SHOC1: variants seen among roughly 807,000 people sequenced by gnomAD.
SHOC1 encodes shortage in chiasmata 1, also known as protein shortage in chiasmata 1 ortholog.
Under a neutral mutation model 179.2 loss-of-function variants are expected in SHOC1, and 136 were observed. That is an observed-to-expected ratio of 0.76 (90% confidence interval 0.66 to 0.87). The LOEUF is 0.87. Ranked by LOEUF, SHOC1 falls within the 40% of genes least tolerant of loss-of-function variation. The pLI is 0.00. For missense variants in SHOC1, 1,538 were observed against 1,700.8 expected, an observed-to-expected ratio of 0.90 and a Z score of 1.68; for synonymous variants, 489 against 586.6, an observed-to-expected ratio of 0.83 and a Z score of 2.41.
intron 27 of SHOC1, among the ~76,000 whole-genome samples, chr9:111,689,431 T>A (rs1268735379): frequency 6.6e-6 from 1 of 151,356 alleles, no homozygotes; most frequent in Non-Finnish European, 1.5e-5. Context: ...TAGTAAGTAA[T>A]TATATCATAG....
intron 3 of SHOC1, among the ~76,000 whole-genome samples, chr9:111,784,677 A>C (rs529106375): frequency 4.7e-4 from 71 of 152,314 alleles, no homozygotes; most frequent in Middle Eastern, 6.8e-3. Context: ...AAAATATCAT[A>C]GACTCGGTGG....
intron 27 of SHOC1, among the ~76,000 whole-genome samples, chr9:111,687,615 C>A (rs533057250): frequency 6.6e-6 from 1 of 152,308 alleles, no homozygotes; most frequent in Non-Finnish European, 1.5e-5. Context: ...AATAAGTCCT[C>A]ATTAATTAGG....
chr9:111,759,220 T>C, intron 5 of SHOC1: 1 of 1,613,878 alleles, frequency 6.2e-7, no homozygotes, highest in Non-Finnish European at 8.5e-7. Context: ...TGACTTCTGC[T>C]GACCTTGGTC....
At chr9:111,735,425 A>C (rs1195221663) in intron 12 of SHOC1, among the ~76,000 whole-genome samples, 2 of 152,074 alleles carry the variant, frequency 1.3e-5, no homozygotes, top group African/African-American at 2.4e-5. Context: ...TTGAGTGAGA[A>C]TATGTGATGT....
intron 15 of SHOC1, among the ~76,000 whole-genome samples, chr9:111,720,130 G>A (rs1832969629): frequency 6.6e-6 from 1 of 152,086 alleles, no homozygotes; most frequent in Non-Finnish European, 1.5e-5. Flanking sequence ...TATTTTTTCC[G>A]CTTCTTGTAT....
chr9:111,702,341 G>C, intron 22 of SHOC1, 115 bp from the exon 23 acceptor site: 1 of 671,188 alleles, frequency 1.5e-6, no homozygotes, highest in East Asian at 3.3e-5. Context: ...AGAGGCATGG[G>C]TATGAGCCCC....
At chr9:111,758,990 G>T in intron 5 of SHOC1, 142 bp from the exon 6 acceptor site, 1 of 878,004 alleles carries the variant, frequency 1.1e-6, no homozygotes, top group Non-Finnish European at 1.7e-6. Flanking sequence ...TCATTGTACT[G>T]TGCATATAGA....
At chr9:111,729,108 GT>G (rs1251558967) in intron 12 of SHOC1, among the ~76,000 whole-genome samples, 1 of 145,146 alleles carries the variant, frequency 6.9e-6, no homozygotes, top group Non-Finnish European at 1.5e-5. Context: ...AAGGTGGGGG[GT>G]TCTTTTTTCT....
At chr9:111,781,724 G>GTAAATAAATAAATAAATAAA (rs58575917) in intron 3 of SHOC1, among the ~76,000 whole-genome samples, 8,600 of 134,926 alleles carry the variant, frequency 0.064, 366 homozygotes, top group African/African-American at 0.1. Context: ...GTGAGACTCT[G>GTAAATAAATAAATAAATAAA]TAAATAAATA....
intron 22 of SHOC1, 74 bp from the exon 23 acceptor site, chr9:111,702,300 C>T: frequency 9.9e-7 from 1 of 1,008,050 alleles, no homozygotes; most frequent in Non-Finnish European, 1.5e-6. Flanking sequence ...ATCATTATTT[C>T]AAGAATCTAT....
intron 8 of SHOC1, among the ~76,000 whole-genome samples, chr9:111,752,438 A>G (rs1317508017): frequency 6.6e-6 from 1 of 152,240 alleles, no homozygotes; most frequent in Non-Finnish European, 1.5e-5. Flanking sequence ...CCAAGTTAAC[A>G]GCCTATTAAA....
intron 24 of SHOC1, among the ~76,000 whole-genome samples, chr9:111,695,473 T>A (rs1169143880): frequency 6.6e-6 from 1 of 152,162 alleles, no homozygotes; most frequent in Non-Finnish European, 1.5e-5. Context: ...ACACTTTCAT[T>A]TAAATATAAA....
chr9:111,715,255 C>T (rs1832731674), intron 16 of SHOC1, among the ~76,000 whole-genome samples: 1 of 152,078 alleles, frequency 6.6e-6, no homozygotes, highest in Admixed American at 6.5e-5. Flanking sequence ...GAGTTACCAC[C>T]AGAGCACCTG....
At chr9:111,759,463 T>G (rs1741968586) in intron 5 of SHOC1, 1 of 1,266,684 alleles carries the variant, frequency 7.9e-7, no homozygotes, top group Admixed American at 3.7e-5. Flanking sequence ...AGTTAATTTC[T>G]GGAATAAATT....
At chr9:111,760,860 G>C (rs1427610660) in intron 5 of SHOC1, among the ~76,000 whole-genome samples, 1 of 151,706 alleles carries the variant, frequency 6.6e-6, no homozygotes, top group Non-Finnish European at 1.5e-5. Context: ...ACCATTTCAA[G>C]AGGTCTGTTT....
At position 111,727,956 on chromosome 9, in the gene SHOC1, G is replaced by T; in HGVS notation, c.1511C>A (p.Ser504Tyr). Reference protein sequence around the residue: ...AHLSLPQKSPSLAKEVPDLCF... With the variant: ...AHLSLPQKSPYLAKEVPDLCF... Reference sequence around the variant, plus strand: ...TAGATCTGGTACTTCTTTTGCCAGAGATGGACTCTTTTGTGGAAGTGATAA... The same window carrying T: ...TAGATCTGGTACTTCTTTTGCCAGATATGGACTCTTTTGTGGAAGTGATAA... Residue 504 changes from serine to tyrosine, a missense_variant, in exon 13 of 28, where the codon TCT (serine) becomes TAT (tyrosine). Ser to Tyr is a moderately radical substitution (Grantham distance 144). Transcript: ENST00000682961. The T allele has an allele frequency of 6.2e-7, 1 of 1,613,128 alleles. No homozygotes were observed. Among genetic ancestry groups the T allele is most frequent in the Non-Finnish European group, 8.5e-7 (1 of 1,179,548 alleles).
intron 5 of SHOC1, among the ~76,000 whole-genome samples, chr9:111,773,431 G>A (rs1835698275): frequency 6.6e-6 from 1 of 152,030 alleles, no homozygotes; most frequent in Admixed American, 6.6e-5. Flanking sequence ...TCCTGCCTCA[G>A]CCTCCCAAAT....
At chr9:111,697,160 A>G (rs1285214540) in intron 24 of SHOC1, among the ~76,000 whole-genome samples, 1 of 151,566 alleles carries the variant, frequency 6.6e-6, no homozygotes, top group African/African-American at 2.4e-5. Context: ...ATCCTGAGAG[A>G]GTAGGATTGG....
At chr9:111,750,654 G>A (rs1228174381) in intron 8 of SHOC1, among the ~76,000 whole-genome samples, 1 of 152,166 alleles carries the variant, frequency 6.6e-6, no homozygotes, top group Non-Finnish European at 1.5e-5. Flanking sequence ...CTTTTGAGAA[G>A]TGTCTGTTCA....
Sources: allele counts gnomAD v4.1 joint callset (sites outside exome capture counted in the v4.1 genomes callset), GRCh38; gene constraint gnomAD v4.1.1; transcripts MANE v1.5; gene names NCBI Gene and HGNC (gene_info 2026-07-23, HGNC 2026-07-21).